SHANK2: variants seen among roughly 807,000 people sequenced by gnomAD.
SHANK2 encodes SH3 and multiple ankyrin repeat domains protein 2.
A neutral mutation model predicts 133.7 loss-of-function variants in SHANK2; 43 were observed. The observed-to-expected ratio is 0.32, with a 90% CI of 0.25 to 0.41. The LOEUF (loss-of-function observed/expected upper bound fraction) is 0.41. Among genes scored for constraint, SHANK2 ranks in the 10% least tolerant of loss-of-function variants. SHANK2 has a pLI of 1.00. For missense variants in SHANK2, 1,994 were observed against 2,235.8 expected, an observed-to-expected ratio of 0.89 and a Z score of 2.18; for synonymous variants, 1,017 against 952.8, an observed-to-expected ratio of 1.07 and a Z score of -1.24.
chr11:70,671,475 G>T (rs1204375588), intron 15 of SHANK2, among the ~76,000 whole-genome samples: 3 of 152,314 alleles, frequency 2.0e-5, no homozygotes, highest in African/African-American at 7.2e-5. Context: ...TGTTTAAAAG[G>T]CCCCTGGCCA....
chr11:70,485,892 A>T lies in SHANK2; in HGVS notation c.4401T>A (p.Ser1467Arg), dbSNP rs2058795876. Residue 1467 changes from serine to arginine, a missense_variant, in exon 25 of 26, where the codon AGT (serine) becomes AGA (arginine). Transcript: ENST00000601538. This position sits in a 1 kb window ranked among gnomAD's most constrained non-coding sequence, Gnocchi z 5.8. ...TNSADSKKPA[S>R]LSNCLPASFL... is the part of the protein sequence containing the mutation. ...ATGAGGCAGGCAGACAGTTTGAAAG[A>T]CTGGCTGGCTTCTTGCTGTCTGCAG... The T allele has an allele frequency of 6.2e-7, 1 of 1,613,940 alleles. No homozygotes were observed. The highest frequency in any genetic ancestry group is 8.5e-7 in the Non-Finnish European group (1 of 1,180,014).
At position 71,210,232 on chromosome 11, in the gene SHANK2, A is replaced by G. The variant is rs1374561023; in HGVS notation, c.-13+14465T>C. 3.7e-4 allele frequency among the ~76,000 whole-genome samples: 26 copies of G among 70,976 alleles called. 3 individuals are homozygous for G. In the East Asian group the frequency reaches 6.9e-3, roughly 19 times the overall value. The allele number at this position is 70,976 out of a possible 152,430, so 46.6% of individuals were successfully genotyped here. ...CAGGTATATATATATATATATATAT[A>G]TATATATATATATATATATATTTAT... On this transcript the variant is annotated intron_variant, in intron 2 of 25. Coordinates refer to ENST00000601538, the MANE Select transcript of SHANK2 (RefSeq NM_012309.5).
intron 2 of SHANK2, among the ~76,000 whole-genome samples, chr11:71,195,385 C>A (rs1187528008): frequency 6.6e-6 from 1 of 151,278 alleles, no homozygotes; most frequent in East Asian, 2.0e-4. Flanking sequence ...GAGCGAGACT[C>A]CGTCTCAAAA....
intron 14 of SHANK2, among the ~76,000 whole-genome samples, chr11:70,724,784 T>C (rs1946146489): frequency 1.3e-5 from 2 of 152,204 alleles, no homozygotes; most frequent in Admixed American, 6.5e-5. Flanking sequence ...AACTCTGCGT[T>C]CCGGAAATGT....
chr11:70,772,217 A>G (rs782128224), intron 14 of SHANK2, among the ~76,000 whole-genome samples: 1 of 152,114 alleles, frequency 6.6e-6, no homozygotes, highest in Non-Finnish European at 1.5e-5. Flanking sequence ...AGGCAGGTGG[A>G]TCACTTGAGG....
At chr11:70,749,513 C>G (rs192781563) in intron 14 of SHANK2, among the ~76,000 whole-genome samples, 4 of 152,244 alleles carry the variant, frequency 2.6e-5, no homozygotes, top group Admixed American at 1.3e-4. Flanking sequence ...GCAAACAATC[C>G]AAAATTCCTG....
At chr11:71,234,915 C>T (rs1954806328) in intron 1 of SHANK2, among the ~76,000 whole-genome samples, 1 of 152,082 alleles carries the variant, frequency 6.6e-6, no homozygotes, top group African/African-American at 2.4e-5. Flanking sequence ...TTACAACAGC[C>T]AAAACCCAGA....
intron 3 of SHANK2, among the ~76,000 whole-genome samples, chr11:71,120,060 T>C (rs1555101172): frequency 2.0e-5 from 3 of 152,148 alleles, no homozygotes; most frequent in African/African-American, 7.2e-5. Flanking sequence ...GAAAATCAAA[T>C]CAGTTGCCAT....
chr11:70,694,859 G>T (rs1326533980), intron 15 of SHANK2, among the ~76,000 whole-genome samples: 9 of 152,148 alleles, frequency 5.9e-5, no homozygotes, highest in Admixed American at 1.3e-4. Context: ...CCCGCTCTCT[G>T]CCTGCACTGC....
At position 71,239,396 on chromosome 11, in the gene SHANK2, A is replaced by G. The variant is rs532539072; in HGVS notation, c.-113+13029T>C. ...TAATACGTTAATAATGATAATGATG[A>G]TGACTGACTAAGCTACCTACAAAGA... is the stretch of plus-strand genomic sequence containing the variant. On this transcript the variant is annotated intron_variant, in intron 1 of 25. Transcript: ENST00000601538. 2.6e-5 allele frequency among the ~76,000 whole-genome samples: 4 copies of G among 152,336 alleles called. No individual in the cohort carries two copies. The South Asian group carries it at 8.3e-4, about 32-fold the overall frequency.
intron 17 of SHANK2, among the ~76,000 whole-genome samples, chr11:70,586,959 C>T (rs576956634): frequency 1.3e-3 from 195 of 152,252 alleles, no homozygotes; most frequent in African/African-American, 4.5e-3. Flanking sequence ...CGACCTCAAA[C>T]GTCACTCCGA....
At chr11:70,793,629 G>T (rs1444693257) in intron 14 of SHANK2, among the ~76,000 whole-genome samples, 1 of 152,128 alleles carries the variant, frequency 6.6e-6, no homozygotes, top group Non-Finnish European at 1.5e-5. Context: ...CCCACAATAA[G>T]ATATCATTTC....
chr11:71,137,536 G>A (rs1228179417), intron 3 of SHANK2, among the ~76,000 whole-genome samples: 3 of 152,090 alleles, frequency 2.0e-5, no homozygotes, highest in African/African-American at 4.8e-5. Flanking sequence ...AAATTCTATC[G>A]CCGCCAGGGT....
At chr11:70,498,914 A>G (rs1373184484) in intron 21 of SHANK2, among the ~76,000 whole-genome samples, 1 of 152,132 alleles carries the variant, frequency 6.6e-6, no homozygotes, top group African/African-American at 2.4e-5. Flanking sequence ...GCATGACCTC[A>G]TCTTGATTAG....
chr11:70,567,459 T>C (rs961260839), intron 17 of SHANK2, among the ~76,000 whole-genome samples: 4 of 152,034 alleles, frequency 2.6e-5, no homozygotes, highest in Non-Finnish European at 5.9e-5. Context: ...AAATCCCGTC[T>C]CTACTGAAAA....
At chr11:70,609,072 A>G (rs2060619184) in intron 17 of SHANK2, among the ~76,000 whole-genome samples, 1 of 152,236 alleles carries the variant, frequency 6.6e-6, no homozygotes, top group South Asian at 2.1e-4. Context: ...GGGCCCAGCC[A>G]CGTGGAGCTG....
At chr11:70,933,447 C>T (rs1470701266) in intron 10 of SHANK2, among the ~76,000 whole-genome samples, 7 of 152,140 alleles carry the variant, frequency 4.6e-5, no homozygotes, top group Non-Finnish European at 1.0e-4. Flanking sequence ...CATGGCTACA[C>T]CACCCCATGA....
At chr11:71,084,919 G>T (rs1203398260) in intron 8 of SHANK2, among the ~76,000 whole-genome samples, 6 of 152,116 alleles carry the variant, frequency 3.9e-5, no homozygotes, top group Non-Finnish European at 8.8e-5. Context: ...AATTAAAGCA[G>T]CTCAGGACAA....
chr11:70,719,044 A>T (rs1946016987), intron 14 of SHANK2, among the ~76,000 whole-genome samples: 5 of 152,232 alleles, frequency 3.3e-5, no homozygotes, highest in Admixed American at 3.3e-4. Context: ...TAGGCACGCA[A>T]GGAAGATCAG....
Sources: gnomAD v4.1 joint callset for allele counts (sites outside exome capture counted in the v4.1 genomes callset) on GRCh38, gnomAD v4.1.1 for gene constraint, Gnocchi (gnomAD v3.1) non-coding constraint, MANE v1.5 for transcripts, NCBI Gene and HGNC (gene_info 2026-07-23, HGNC 2026-07-21) for gene names.